ARMCX4: variants seen among roughly 807,000 people sequenced by gnomAD.
ARMCX4 encodes the protein armadillo repeat-containing X-linked protein 4.
Under a neutral mutation model 34.7 loss-of-function variants are expected in ARMCX4, and 3 were observed. The observed-to-expected ratio is 0.09, with a 90% CI of 0.04 to 0.22. The LOEUF (loss-of-function observed/expected upper bound fraction) is 0.22. Ranked by LOEUF, ARMCX4 falls within the 10% of genes least tolerant of loss-of-function variation. The pLI, the probability that ARMCX4 is intolerant of heterozygous loss-of-function variation, is 1.00. For synonymous variants in ARMCX4, 513 were observed against 632.8 expected (o/e 0.81, Z 2.84); for missense variants, 1,448 against 1,720.8 (o/e 0.84, Z 2.81).
chrX:101,431,657 C>T (rs1930018252), intron 2 of ARMCX4, among the ~76,000 whole-genome samples: 1 of 111,099 alleles, frequency 9.0e-6, no homozygotes, highest in South Asian at 3.8e-4. Context: ...CATTCTCCTG[C>T]CTCAGCCTCC....
intron 11 of ARMCX4, among the ~76,000 whole-genome samples, chrX:101,522,202 T>A (rs1163480796): frequency 2.7e-5 from 3 of 112,098 alleles, no homozygotes; most frequent in African/African-American, 9.7e-5. Flanking sequence ...TATATGTTTA[T>A]AATTGTTATA....
At position 101,488,054 on chromosome X, in the gene ARMCX4, C is replaced by A; in HGVS notation, c.-192C>A. 2.1e-6 allele frequency: 2 copies of A among 942,570 alleles called. No homozygotes were observed. Among genetic ancestry groups the A allele is most frequent in the Non-Finnish European group, 1.4e-6 (1 of 729,521 alleles). 77.7% of individuals were successfully genotyped at this position (942,570 alleles called of 1,213,427 possible). A position where few individuals can be genotyped will look rare whatever the true frequency, so the allele number is the denominator to read the frequency against. ...ATGTATCTACTTTAGGGTGTACTGC[C>A]AAGAGAAGCAAGAGGAGAGGAGGGA... On this transcript the variant is annotated 5_prime_UTR_variant, in exon 5 of 6. Transcript: ENST00000423738.
At chrX:101,439,055 C>T (rs1384780419) in intron 2 of ARMCX4, among the ~76,000 whole-genome samples, 2 of 112,128 alleles carry the variant, frequency 1.8e-5, no homozygotes, top group Admixed American at 9.5e-5. Context: ...GATGCAGTTT[C>T]TTCCTAGCCT....
chrX:101,421,290 A>G (rs1433168244), intron 2 of ARMCX4, among the ~76,000 whole-genome samples: 1 of 109,348 alleles, frequency 9.1e-6, no homozygotes, highest in Non-Finnish European at 1.9e-5. Flanking sequence ...GTCAGAATGT[A>G]TGGAGAGTTT....
At position 101,489,371 on chromosome X, in the gene ARMCX4, G is replaced by A. The variant is rs1556007909; in HGVS notation, c.782G>A (p.Arg261Lys). Residue 261 changes from arginine (R) to lysine (K), a missense_variant, in exon 6 of 6, where the codon AGG becomes AAG. This residue lies in a region of ARMCX4 where 1,343 missense variants were observed against 1,540.7 expected (regional missense o/e 0.87). Coordinates refer to ENST00000423738, the MANE Select transcript of ARMCX4 (RefSeq NM_001256155.3). The part of the protein sequence containing the change: ...EARPGATVDA[R>K]GNPNGMSREV... ...AGGCCTGGTGCCACAGTTGATGCTA[G>A]GGGAAATCCCAATGGCATGTCCAGG... The A allele has an allele frequency of 8.7e-7, 1 of 1,153,305 alleles. No individual in the cohort carries two copies. Among genetic ancestry groups the A allele is most frequent in the African/African-American group, 1.8e-5 (1 of 55,626 alleles).
intron 2 of ARMCX4, among the ~76,000 whole-genome samples, chrX:101,434,335 C>A (rs1219749658): frequency 1.0e-4 from 11 of 105,947 alleles, no homozygotes; most frequent in East Asian, 6.1e-4. Context: ...CTCATTGCAA[C>A]CTCCGCCGCC....
rs1313225082 is a variant in ARMCX4, at chrX:101,527,029, A to C, written c.*1781-4615A>C. On this transcript the variant is annotated intron_variant and NMD_transcript_variant, in intron 11 of 12. Coordinates refer to the ARMCX4 transcript ENST00000354842. ...TCCATCCCAAATCAATAGAATATAC[A>C]TTCTTCTCAGCACCACATCGCACTT... 3.6e-5 allele frequency among the ~76,000 whole-genome samples: 4 copies of C among 111,972 alleles called. No homozygotes were observed. In the East Asian group the frequency reaches 1.1e-3, roughly 31 times the overall value.
chrX:101,502,381 GTC>G (rs1569341558), intron 7 of ARMCX4, among the ~76,000 whole-genome samples: 1 of 112,155 alleles, frequency 8.9e-6, no homozygotes, highest in Non-Finnish European at 1.9e-5. Flanking sequence ...TAGGAATATA[GTC>G]ACACACCATC....
In ARMCX4 at chrX:101,442,991, C is replaced by G. The variant is rs781870443; in HGVS notation, n.165-1061C>G. ...ATTAAAATACAAAAAATCAGAAGGG[C>G]GTGGTGGCAGGCACCTATAGTTCCA... On this transcript the variant is annotated intron_variant and non_coding_transcript_variant, in intron 2 of 3. Transcript: ENST00000430461. Among the ~76,000 whole-genome samples, 3 of 109,378 alleles carry G rather than the reference C, an allele frequency of 2.7e-5. No individual in the cohort carries two copies. In the East Asian group the frequency reaches 8.7e-4, roughly 32 times the overall value. 95.0% of individuals were successfully genotyped at this position (109,378 alleles called of 115,157 possible). A position where few individuals can be genotyped will look rare whatever the true frequency, so the allele number is the denominator to read the frequency against.
chrX:101,484,283 G>A (rs1294140778), upstream of ARMCX4, among the ~76,000 whole-genome samples: 1 of 111,510 alleles, frequency 9.0e-6, no homozygotes, highest in Non-Finnish European at 1.9e-5. Flanking sequence ...GGCAGACACC[G>A]GCGAGATCTC....
chrX:101,474,438 A>T (rs1325470352), intron 4 of ARMCX4, among the ~76,000 whole-genome samples: 1 of 108,254 alleles, frequency 9.2e-6, no homozygotes, highest in East Asian at 2.9e-4. Flanking sequence ...AAAAAGAGGG[A>T]ATCCTCCCTA....
chrX:101,458,638 C>T (rs782183332), intron 4 of ARMCX4, among the ~76,000 whole-genome samples: 5 of 109,284 alleles, frequency 4.6e-5, no homozygotes, highest in Non-Finnish European at 5.7e-5. Flanking sequence ...AGGTGCCCGC[C>T]CCCACGCTCG....
Position 101,492,575 on chromosome X carries a change from G to C in ARMCX4, c.3986G>C (p.Trp1329Ser). The C allele has an allele frequency of 2.6e-6, 3 of 1,132,265 alleles. No individual in the cohort carries two copies. The highest frequency in any genetic ancestry group is 2.4e-4 in the Middle Eastern group (1 of 4,172). 93.3% of individuals were successfully genotyped at this position (1,132,265 alleles called of 1,213,427 possible). A position where few individuals can be genotyped will look rare whatever the true frequency, so the allele number is the denominator to read the frequency against. Residue 1329 changes from tryptophan (W) to serine (S), a missense_variant, in exon 6 of 6, where the codon TGG becomes TCG. Physicochemically the swap from Trp to Ser is radical, Grantham distance 177. Around this residue, in one of 2 missense-constraint regions of ARMCX4, gnomAD observed 1,343 missense variants for 1,540.7 expected, o/e 0.87. Transcript: ENST00000423738. Reference protein sequence around the residue: ...FEDQASGEGSWAGAGGQASGG... With the variant: ...FEDQASGEGSSAGAGGQASGG... ...GATCAAGCCAGTGGAGAAGGGTCCT[G>C]GGCTGGGGCTGGTGGCCAGGCTAGT... is the stretch of plus-strand genomic sequence containing the variant.
chrX:101,491,918 G>A lies in ARMCX4; in HGVS notation c.3329G>A (p.Arg1110Gln), dbSNP rs1556009417. The A allele has an allele frequency of 4.3e-6, 5 of 1,155,158 alleles. No individual in the cohort carries two copies. Among genetic ancestry groups the A allele is most frequent in the South Asian group, 1.9e-5 (1 of 52,649 alleles). ...GTTGAAGACTGGATTGCTGCTGAGCGGTGGATCAAATTTAGGTTTCAGACC... is the reference window on the plus strand; with the variant it reads ...GTTGAAGACTGGATTGCTGCTGAGCAGTGGATCAAATTTAGGTTTCAGACC... ...IGVEDWIAAE[R>Q]WIKFRFQTMD... Residue 1110 changes from arginine (R) to glutamine (Q), a missense_variant, in exon 6 of 6, where the codon CGG becomes CAG. Transcript: ENST00000423738.
intron 11 of ARMCX4, among the ~76,000 whole-genome samples, chrX:101,523,176 G>A (rs1934890782): frequency 8.9e-6 from 1 of 111,871 alleles, no homozygotes; most frequent in South Asian, 3.7e-4. Flanking sequence ...CAACTTCTGA[G>A]CAAATACTGA....
intron 2 of ARMCX4, among the ~76,000 whole-genome samples, chrX:101,431,787 C>CAT (rs1555992079): frequency 8.9e-6 from 1 of 112,170 alleles, no homozygotes; most frequent in Non-Finnish European, 1.9e-5. Context: ...TTGTGATCTG[C>CAT]CCGCCTCAGC....
rs1934008565 is a variant in ARMCX4, at chrX:101,492,294, T to C, written c.3705T>C (p.Leu1235=). Residue 1235 remains leucine (L), a synonymous_variant, in exon 6 of 6, where the codon CTT becomes CTC. Transcript: ENST00000423738. ...CTGGGAATCAGGCCATTGGAGAGCT[T>C]TGGGCTGCGGGTCAGGCCAGTGATG... The part of the protein sequence containing the change: ...ALAGNQAIGE[L]WAAGQASDGS... 1 of 1,139,618 alleles carries C rather than the reference T, an allele frequency of 8.8e-7. No individual in the cohort carries two copies. The highest frequency in any genetic ancestry group is 2.0e-5 in the South Asian group (1 of 50,892). The allele number at this position is 1,139,618 out of a possible 1,213,427, so 93.9% of individuals were successfully genotyped here.
intron 2 of ARMCX4, among the ~76,000 whole-genome samples, 175 bp downstream of exon 2, chrX:101,486,267 T>A (rs957429): frequency 0.5 from 54,402 of 109,238 alleles, 10,710 homozygotes; most frequent in Non-Finnish European, 0.63. Context: ...TGAAGACCAA[T>A]GAAGACAGCA....
intron 2 of ARMCX4, among the ~76,000 whole-genome samples, chrX:101,421,333 G>A (rs917242612): frequency 2.7e-5 from 3 of 110,752 alleles, no homozygotes; most frequent in Non-Finnish European, 5.7e-5. Flanking sequence ...CTAGAGTAGA[G>A]GTAATAGTAG....
Sources: gnomAD v4.1 joint callset for allele counts (sites outside exome capture counted in the v4.1 genomes callset) on GRCh38, gnomAD v4.1.1 for gene constraint, gnomAD v4.1.1 regional missense constraint, MANE v1.5 for transcripts, NCBI Gene and HGNC (gene_info 2026-07-23, HGNC 2026-07-21) for gene names.